Variants in SYNE1 observed in about 807,000 individuals in gnomAD.
SYNE1 encodes the protein spectrin repeat containing nuclear envelope protein 1, also known as nesprin-1.
SYNE1 carries 616 observed loss-of-function variants against 1,111.0 expected under a neutral mutation model. The ratio of observed to expected loss-of-function variants is 0.55; its 90% CI spans 0.52 to 0.59. The LOEUF is 0.59. Among genes scored for constraint, SYNE1 ranks in the 20% least tolerant of loss-of-function variants. The pLI, the probability that SYNE1 is intolerant of heterozygous loss-of-function variation, is 0.00. For synonymous variants in SYNE1, 3,855 were observed against 3,825.8 expected, an observed-to-expected ratio of 1.01 and a Z score of -0.28; for missense variants, 10,006 against 10,417.0, an observed-to-expected ratio of 0.96 and a Z score of 1.72.
At chr6:152,249,310 C>T in intron 104 of SYNE1, 48 bp from the exon 105 acceptor site, 1 of 1,014,782 alleles carries the variant, frequency 9.9e-7, no homozygotes, top group South Asian at 1.3e-5. Flanking sequence ...ACAGGGAATT[C>T]AAAATACTTG....
At chr6:152,494,765 G>A (rs765625002) in intron 11 of SYNE1, among the ~76,000 whole-genome samples, 5 of 152,164 alleles carry the variant, frequency 3.3e-5, no homozygotes, top group Non-Finnish European at 5.9e-5. Flanking sequence ...TCTCAAGGCT[G>A]CTTTACTTCC....
At chr6:152,271,750 C>T (rs1191843815) in intron 98 of SYNE1, among the ~76,000 whole-genome samples, 1 of 152,210 alleles carries the variant, frequency 6.6e-6, no homozygotes, top group East Asian at 1.9e-4. Context: ...TAGAAAATGG[C>T]CTCAAGAAAT....
rs2058165350 is a variant in SYNE1 at position 152,139,828 on chromosome 6, T to C, written c.25458+122A>G. ...GAGGTGAGGAGAGCATTCTCACTCA[T>C]TTTTGTTAGATCCCTTTTCTGCTGC... On this transcript the variant is annotated intron_variant, in intron 140 of 145. Coordinates refer to ENST00000367255, the MANE Select transcript of SYNE1 (RefSeq NM_182961.4). 4.0e-6 allele frequency: 4 copies of C among 1,011,486 alleles called. No individual in the cohort carries two copies. The Admixed American group carries it at 7.8e-5, about 20-fold the overall frequency. The allele number at this position is 1,011,486 out of a possible 1,614,324, so 62.7% of individuals were successfully genotyped here.
intron 3 of SYNE1, among the ~76,000 whole-genome samples, chr6:152,621,724 G>A (rs1156663485): frequency 6.6e-6 from 1 of 151,946 alleles, no homozygotes; most frequent in Admixed American, 6.6e-5. Flanking sequence ...AGGCTTAGAG[G>A]ACCAAGCACT....
chr6:152,230,470 C>T, intron 115 of SYNE1, 77 bp downstream of exon 115: 2 of 1,400,260 alleles, frequency 1.4e-6, no homozygotes, highest in African/African-American at 1.4e-5. Context: ...TAACTTGCAA[C>T]TCTCAAGGCC....
In SYNE1 at chr6:152,453,722, T is replaced by C; in HGVS notation, c.2893-2A>G. On this transcript the variant is annotated splice_acceptor_variant, in intron 24 of 145. Coordinates refer to ENST00000367255, the MANE Select transcript of SYNE1 (RefSeq NM_182961.4). LOFTEE classifies it high-confidence loss of function. Reference sequence around the variant, plus strand: ...CTGATCCAGCTGACTGAAAAACTCCTGACATGGAAGGGGAAAGTGGGTAAG... The same window carrying C: ...CTGATCCAGCTGACTGAAAAACTCCCGACATGGAAGGGGAAAGTGGGTAAG... 6.2e-7 allele frequency: 1 copy of C among 1,614,122 alleles called. No individual in the cohort carries two copies. Among genetic ancestry groups the C allele is most frequent in the East Asian group, 2.2e-5 (1 of 44,876 alleles).
intron 127 of SYNE1, among the ~76,000 whole-genome samples, chr6:152,201,102 G>C (rs918503497): frequency 2.0e-5 from 3 of 152,134 alleles, no homozygotes; most frequent in African/African-American, 7.2e-5. Context: ...TGTTTAATTT[G>C]AAAGAAAAAC....
chr6:152,273,624 T>G (rs1011278219), intron 98 of SYNE1, among the ~76,000 whole-genome samples: 16 of 152,252 alleles, frequency 1.1e-4, no homozygotes, highest in African/African-American at 3.4e-4. Context: ...ACACAAATTA[T>G]TTTAAAATTT....
Position 152,206,301 on chromosome 6 carries a change from T to A in SYNE1, c.22886A>T (p.Lys7629Met). 1 of 1,614,106 alleles carries A rather than the reference T, an allele frequency of 6.2e-7. No homozygotes were observed. The change falls in exon 126 of 146, where the codon AAG becomes ATG. Residue 7629 changes from lysine to methionine, a missense_variant. Around this residue, in one of 7 missense-constraint regions of SYNE1, gnomAD observed 2,182 missense variants for 2,287.8 expected, o/e 0.95. Coordinates refer to ENST00000367255, the MANE Select transcript of SYNE1 (RefSeq NM_182961.4). ...ACTGTCCGCCGAGAGAAGGAGTTGCTTGCCAGCCTCCACAGTCAGGATGTA... is the reference window on the plus strand; with the variant it reads ...ACTGTCCGCCGAGAGAAGGAGTTGCATGCCAGCCTCCACAGTCAGGATGTA... ...GSYILTVEAG[K>M]QLLLSADSGA...
chr6:152,353,232 T>C (rs779686440), intron 69 of SYNE1, 31 bp downstream of exon 69: 5 of 1,613,898 alleles, frequency 3.1e-6, no homozygotes, highest in Non-Finnish European at 4.2e-6. Context: ...AACGGAAAGG[T>C]TGGATACAAA....
intron 98 of SYNE1, among the ~76,000 whole-genome samples, chr6:152,276,587 T>A (rs1316660818): frequency 7.0e-6 from 1 of 142,022 alleles, no homozygotes; most frequent in African/African-American, 2.7e-5. Flanking sequence ...TGAACTTCCA[T>A]GAAGTTTCCG....
rs149906033 is a variant in SYNE1 at position 152,295,888 on chromosome 6, G to A, written c.17683-1761C>T. Reference sequence around the variant, plus strand: ...CTCTTCCATCCAAAAACACCTGCACGCACTGTTTCTTTTATTTGTTTTCTT... The same window carrying A: ...CTCTTCCATCCAAAAACACCTGCACACACTGTTTCTTTTATTTGTTTTCTT... On this transcript the variant is annotated intron_variant, in intron 93 of 145. Transcript: ENST00000367255. 5.9e-5 allele frequency among the ~76,000 whole-genome samples: 9 copies of A among 152,156 alleles called. No homozygotes were observed. The East Asian group carries it at 9.7e-4, about 16-fold the overall frequency.
rs767357627 is a variant in SYNE1, at chr6:152,396,864, G to T, written c.7467C>A (p.Ile2489=). The change falls in exon 50 of 146, where the codon ATC becomes ATA. Residue 2489 remains isoleucine, a synonymous_variant. Coordinates refer to ENST00000367255, the MANE Select transcript of SYNE1 (RefSeq NM_182961.4). Reference sequence around the variant, plus strand: ...CTTGAAACTCTTCATTGGCCTTTGTGATTTGTTCTTGAATGCTACTGACAA... The same window carrying T: ...CTTGAAACTCTTCATTGGCCTTTGTTATTTGTTCTTGAATGCTACTGACAA... ...KQIVSSIQEQ[I]TKANEEFQAF... 3 of 1,614,150 alleles carry T rather than the reference G, an allele frequency of 1.9e-6. No homozygotes were observed. The highest frequency in any genetic ancestry group is 4.5e-5 in the East Asian group (2 of 44,882).
chr6:152,603,911 CTATA>C (rs950833757), intron 3 of SYNE1, among the ~76,000 whole-genome samples: 15 of 145,108 alleles, frequency 1.0e-4, no homozygotes, highest in African/African-American at 1.8e-4. Flanking sequence ...GATATACTAT[CTATA>C]TATACATATA....
In SYNE1 at chr6:152,336,893, C is replaced by T. The variant is rs762119902; in HGVS notation, c.12476G>A (p.Arg4159Lys). 2.0e-5 allele frequency: 32 copies of T among 1,614,020 alleles called. No individual in the cohort carries two copies. Among genetic ancestry groups the T allele is most frequent in the South Asian group, 1.6e-4 (15 of 91,096 alleles). ...ADQQLQNMKR[R>K]HSELELNIAQ... ...AATGTTCAGCTCCAGCTCAGAGTGC[C>T]TCCTCTTCATGTTCTGCAGTTGCTG... is the stretch of plus-strand genomic sequence containing the variant. The change falls in exon 76 of 146, where the codon AGG becomes AAG. Residue 4159 changes from arginine to lysine, a missense_variant. By Grantham distance (26) the Arg-to-Lys change is conservative (BLOSUM62 2). Around this residue, in one of 7 missense-constraint regions of SYNE1, gnomAD observed 4,955 missense variants for 5,017.2 expected, o/e 0.99. Coordinates refer to ENST00000367255, the MANE Select transcript of SYNE1 (RefSeq NM_182961.4).
Position 152,140,169 on chromosome 6 carries a change from G to T in SYNE1, c.25247-8C>A. 1.9e-6 allele frequency: 3 copies of T among 1,613,958 alleles called. No homozygotes were observed. The highest frequency in any genetic ancestry group is 2.5e-6 in the Non-Finnish European group (3 of 1,179,822). On this transcript the variant is annotated splice_polypyrimidine_tract_variant and splice_region_variant and intron_variant, in intron 139 of 145. Coordinates refer to ENST00000367255, the MANE Select transcript of SYNE1 (RefSeq NM_182961.4). The stretch of plus-strand genomic sequence containing the variant: ...CCCATCGGTCAATCACACCTGGCAA[G>T]ACATGCATAGAACAGTGAGGTTATT...
chr6:152,211,707 C>A lies in SYNE1; in HGVS notation c.22495-119G>T, dbSNP rs1300266347. ...ACTATGAAAGCTATCACCAGCTGAA[C>A]CAGAAAATGTGTGAAATCCTGCAGT... On this transcript the variant is annotated intron_variant, in intron 123 of 145. Coordinates refer to ENST00000367255, the MANE Select transcript of SYNE1 (RefSeq NM_182961.4). The A allele has an allele frequency of 1.7e-5, 13 of 777,066 alleles. No homozygotes were observed. In the East Asian group the frequency reaches 3.2e-4, roughly 19 times the overall value. The allele number at this position is 777,066 out of a possible 1,614,324, so 48.1% of individuals were successfully genotyped here. A position where few individuals can be genotyped will look rare whatever the true frequency, so the allele number is the denominator to read the frequency against.
intron 136 of SYNE1, 84 bp downstream of exon 136, chr6:152,149,393 C>T: frequency 1.3e-6 from 2 of 1,537,172 alleles, no homozygotes; most frequent in Admixed American, 1.7e-5. Context: ...AGTCTGAGCT[C>T]TCACCCACTA....
rs1046004944 is a variant in SYNE1 at position 152,366,463 on chromosome 6, A to G, written c.9972+755T>C. On this transcript the variant is annotated intron_variant, in intron 62 of 145. Transcript: ENST00000367255. ...GATTGCTTGAGTTCAGGAGTTCAAG[A>G]CCAGCCTAAGCAAGAAGGCAAGACT... is the stretch of plus-strand genomic sequence containing the variant. 2.6e-5 allele frequency among the ~76,000 whole-genome samples: 4 copies of G among 152,174 alleles called. No individual in the cohort carries two copies. The South Asian group carries it at 6.2e-4, about 24-fold the overall frequency.
Sources: gnomAD v4.1 joint callset for allele counts (sites outside exome capture counted in the v4.1 genomes callset) on GRCh38, gnomAD v4.1.1 for gene constraint, gnomAD v4.1.1 regional missense constraint, MANE v1.5 for transcripts, NCBI Gene and HGNC (gene_info 2026-07-23, HGNC 2026-07-21) for gene names.